Variants in SLC26A7 observed in about 807,000 individuals in gnomAD.
SLC26A7 encodes solute carrier family 26 member 7, also known as anion exchange transporter.
In SLC26A7, 59 loss-of-function variants were observed where a neutral mutation model predicts 82.5. The observed-to-expected ratio is 0.72, with a 90% CI of 0.58 to 0.89. SLC26A7 has a LOEUF of 0.89. SLC26A7 is among the 40% of genes least tolerant of loss of function. SLC26A7 has a pLI of 0.00. For missense variants in SLC26A7, 820 were observed against 793.0 expected, an observed-to-expected ratio of 1.03 and a Z score of -0.41; for synonymous variants, 271 against 274.3, an observed-to-expected ratio of 0.99 and a Z score of 0.12.
At chr8:91,210,374 T>G (rs183622099) in intron 1 of SLC26A7, among the ~76,000 whole-genome samples, 2 of 152,278 alleles carry the variant, frequency 1.3e-5, no homozygotes, top group East Asian at 3.9e-4. Context: ...GCAAATAAAT[T>G]TATTGATTGA....
intron 1 of SLC26A7, among the ~76,000 whole-genome samples, chr8:91,210,473 G>T (rs1809888951): frequency 6.6e-6 from 1 of 151,746 alleles, no homozygotes; most frequent in Non-Finnish European, 1.5e-5. Flanking sequence ...CTGTTGACTT[G>T]CAGAGTAAGA....
intron 15 of SLC26A7, among the ~76,000 whole-genome samples, chr8:91,385,628 T>A (rs17666854): frequency 0.03 from 4,603 of 152,242 alleles, 93 homozygotes; most frequent in South Asian, 0.054. Flanking sequence ...ATACTTCAAT[T>A]AAAGGGATAG....
At position 91,334,710 on chromosome 8, in the gene SLC26A7, T is replaced by C. The variant is rs192054500; in HGVS notation, c.795+263T>C. On this transcript the variant is annotated intron_variant, in intron 6 of 18. Coordinates refer to ENST00000276609, the MANE Select transcript of SLC26A7 (RefSeq NM_052832.4). The stretch of plus-strand genomic sequence containing the variant: ...AATTGTTTATATAAATAAGAGAACA[T>C]ATAGCTTAAGATCTTAAATAAGGAG... Among the ~76,000 whole-genome samples, 648 of 152,320 alleles carry C rather than the reference T, an allele frequency of 4.3e-3. 7 individuals are homozygous for C. Among genetic ancestry groups the C allele is most frequent in the African/African-American group, 0.015 (616 of 41,574 alleles).
intron 4 of SLC26A7, among the ~76,000 whole-genome samples, chr8:91,309,800 G>T (rs1024680998): frequency 6.6e-6 from 1 of 152,096 alleles, no homozygotes; most frequent in Non-Finnish European, 1.5e-5. Flanking sequence ...CCTCTCCCCT[G>T]ATTTTTCCCT....
intron 2 of SLC26A7, among the ~76,000 whole-genome samples, chr8:91,261,951 G>T (rs1006398087): frequency 3.3e-5 from 5 of 152,082 alleles, no homozygotes; most frequent in African/African-American, 2.4e-5. Flanking sequence ...CAGTAGCATG[G>T]ATTAGGAAAT....
chr8:91,378,143 A>G (rs1329339636), intron 15 of SLC26A7, among the ~76,000 whole-genome samples: 1 of 151,920 alleles, frequency 6.6e-6, no homozygotes, highest in Non-Finnish European at 1.5e-5. Context: ...AGGCACAAAA[A>G]CTTAATAGAT....
intron 2 of SLC26A7, among the ~76,000 whole-genome samples, chr8:91,252,578 G>A (rs560635502): frequency 6.6e-6 from 1 of 151,866 alleles, no homozygotes; most frequent in Admixed American, 6.6e-5. Flanking sequence ...CCAAACACTG[G>A]TGTCCTGGAG....
chr8:91,368,908 A>G (rs1814276139), intron 14 of SLC26A7, among the ~76,000 whole-genome samples: 1 of 152,244 alleles, frequency 6.6e-6, no homozygotes, highest in South Asian at 2.1e-4. Flanking sequence ...TGGAAATTGT[A>G]TAGCTGATAA....
chr8:91,368,703 G>A (rs573304282), intron 14 of SLC26A7, among the ~76,000 whole-genome samples: 23 of 152,194 alleles, frequency 1.5e-4, no homozygotes, highest in African/African-American at 5.3e-4. Context: ...GATTACAGGC[G>A]TGAGCCACCA....
chr8:91,239,301 C>T (rs571372672), intron 2 of SLC26A7, among the ~76,000 whole-genome samples: 2 of 144,932 alleles, frequency 1.4e-5, no homozygotes, highest in African/African-American at 5.2e-5. Context: ...GCCCGGGAGG[C>T]GGAGCTCACA....
chr8:91,253,053 C>T (rs1810703114), intron 2 of SLC26A7, among the ~76,000 whole-genome samples: 1 of 152,046 alleles, frequency 6.6e-6, no homozygotes, highest in African/African-American at 2.4e-5. Flanking sequence ...CTGAATGTAA[C>T]CTCCATTCGA....
rs762125866 is a variant in SLC26A7, at chr8:91,318,381, G to A, written c.642+1G>A. 18 of 1,597,728 alleles carry A rather than the reference G, an allele frequency of 1.1e-5. No homozygotes were observed. The highest frequency in any genetic ancestry group is 1.5e-5 in the Non-Finnish European group (18 of 1,170,130). On this transcript the variant is annotated splice_donor_variant, in intron 5 of 18. Transcript: ENST00000276609. LOFTEE classifies it high-confidence loss of function. Reference sequence around the variant, plus strand: ...ATCCGGACCACTTGGATTCTTTTATGTGAGTTTTTCGTATGCTTTCATACA... The same window carrying A: ...ATCCGGACCACTTGGATTCTTTTATATGAGTTTTTCGTATGCTTTCATACA...
chr8:91,340,677 CA>C (rs772147456), intron 8 of SLC26A7, 126 bp downstream of exon 8: 453 of 1,043,632 alleles, frequency 4.3e-4, no homozygotes, highest in Non-Finnish European at 4.5e-4. Context: ...GTGGGTTGAA[CA>C]AAAAAAAAGA....
intron 4 of SLC26A7, among the ~76,000 whole-genome samples, chr8:91,311,967 G>A (rs1434491879): frequency 6.6e-6 from 1 of 152,174 alleles, no homozygotes; most frequent in Admixed American, 6.5e-5. Flanking sequence ...GCAGTTTCTT[G>A]CATGACTCAG....
rs74694141 is a variant in SLC26A7, at chr8:91,243,645, C to T, written c.-33-5974C>T. Reference sequence around the variant, plus strand: ...CAGCACATGAATGGGAGGAACCTACCGACACTGGGGAATGATTAAAATGAG... The same window carrying T: ...CAGCACATGAATGGGAGGAACCTACTGACACTGGGGAATGATTAAAATGAG... On this transcript the variant is annotated intron_variant, in intron 2 of 5. Transcript: ENST00000522862. Among the ~76,000 whole-genome samples the T allele has an allele frequency of 6.2e-3, 944 of 152,164 alleles. 15 individuals carry two copies. Among genetic ancestry groups the T allele is most frequent in the African/African-American group, 0.021 (863 of 41,504 alleles).
intron 2 of SLC26A7, among the ~76,000 whole-genome samples, chr8:91,261,773 G>A (rs1810972639): frequency 6.6e-6 from 1 of 152,100 alleles, no homozygotes; most frequent in Non-Finnish European, 1.5e-5. Context: ...CTGAGTTAGT[G>A]TGCAAAGCAT....
chr8:91,262,116 T>C (rs974813205), intron 2 of SLC26A7, among the ~76,000 whole-genome samples: 4 of 152,046 alleles, frequency 2.6e-5, no homozygotes, highest in Admixed American at 6.6e-5. Context: ...GCTCTACAGC[T>C]TGAGCTGAGG....
rs1221942913 is a variant in SLC26A7, at chr8:91,215,649, TAAAA to T, written c.-149-3240_-149-3237del. 2.6e-5 allele frequency among the ~76,000 whole-genome samples: 4 copies of T among 152,302 alleles called. No homozygotes were observed. The East Asian group carries it at 7.7e-4, about 29-fold the overall frequency. Reference sequence around the variant, plus strand: ...TTGCTAAAATGATATTTTTTCAAAATAAAAGCATATATAATCACAGACCAACTCC... The same window carrying T: ...TTGCTAAAATGATATTTTTTCAAAATGCATATATAATCACAGACCAACTCC... On this transcript the variant is annotated intron_variant, in intron 1 of 5. Transcript: ENST00000522862.
At chr8:91,228,195 G>A (rs1263542830) in intron 2 of SLC26A7, among the ~76,000 whole-genome samples, 2 of 152,242 alleles carry the variant, frequency 1.3e-5, no homozygotes, top group Non-Finnish European at 2.9e-5. Context: ...AATCACCTGA[G>A]GTGATGGGAG....
Sources: gnomAD v4.1 joint callset for allele counts (sites outside exome capture counted in the v4.1 genomes callset) on GRCh38, gnomAD v4.1.1 for gene constraint, MANE v1.5 for transcripts, NCBI Gene and HGNC (gene_info 2026-07-23, HGNC 2026-07-21) for gene names.